The following ABCA10 variants were observed in gnomAD, a reference collection of about 807,000 sequenced individuals.
ABCA10 encodes the protein ATP binding cassette subfamily A member 10.
A neutral mutation model predicts 187.5 loss-of-function variants in ABCA10; 169 were observed. The observed-to-expected ratio is 0.90, with a 90% CI of 0.80 to 1.02. The LOEUF (loss-of-function observed/expected upper bound fraction) is 1.02, where lower values mean the gene tolerates loss of function less well. Among genes scored for constraint, ABCA10 ranks in the 50% least tolerant of loss-of-function variants. The pLI, the probability that ABCA10 is intolerant of heterozygous loss-of-function variation, is 0.00. For synonymous variants in ABCA10, 574 were observed against 601.8 expected (o/e 0.95, Z 0.68); for missense variants, 1,727 against 1,812.4 (o/e 0.95, Z 0.86).
At chr17:69,226,540 T>C (rs1255286296) in intron 2 of ABCA10, among the ~76,000 whole-genome samples, 2 of 152,020 alleles carry the variant, frequency 1.3e-5, no homozygotes, top group African/African-American at 2.4e-5. Context: ...AAGCAATGTC[T>C]TAATATTCAT....
intron 32 of ABCA10, 92 bp from the exon 33 acceptor site, chr17:69,153,638 A>G (rs2074148464): frequency 6.6e-7 from 1 of 1,509,646 alleles, no homozygotes; most frequent in African/African-American, 1.4e-5. Context: ...ATTATTCTAG[A>G]TAGTAAATTT....
Position 69,219,761 on chromosome 17 carries a change from T to C in ABCA10, c.314A>G (p.Asn105Ser), listed in dbSNP as rs777358364. ...TGTCAACTCCTCCATTACAGAATGATTTGTTGTGACCTAAATTGGGACATT... is the reference window on the plus strand; with the variant it reads ...TGTCAACTCCTCCATTACAGAATGACTTGTTGTGACCTAAATTGGGACATT... The part of the protein sequence containing the change: ...INAAIIEVTT[N>S]HSVMEELTSV... The change falls in exon 6 of 39, where the codon AAT becomes AGT. Residue 105 changes from asparagine to serine, a missense_variant. Asn to Ser is a conservative substitution (Grantham distance 46). Coordinates refer to ENST00000690296, the MANE Select transcript of ABCA10 (RefSeq NM_001377321.1). 3.8e-6 allele frequency: 6 copies of C among 1,583,084 alleles called. No homozygotes were observed. In the South Asian group the frequency reaches 6.0e-5, roughly 16 times the overall value.
chr17:69,175,467 A>G lies in ABCA10; in HGVS notation c.2816T>C (p.Leu939Ser), dbSNP rs1447612864. Residue 939 changes from leucine to serine, a missense_variant, in exon 23 of 39, where the codon TTG becomes TCG. Transcript: ENST00000690296. ...AGAAACGCAGTTTGTGATCAACAAC[A>G]AAAATATGGACCCATCTATAAAACC... ...DLGFIDGSIF[L>S]LLITNCVSPF... 1.2e-6 allele frequency: 2 copies of G among 1,612,134 alleles called. No homozygotes were observed. Among genetic ancestry groups the G allele is most frequent in the African/African-American group, 2.7e-5 (2 of 74,858 alleles).
chr17:69,234,847 T>G (rs78199467), intron 1 of ABCA10: 1 of 152,202 alleles, frequency 6.6e-6, no homozygotes, highest in Non-Finnish European at 1.5e-5. Flanking sequence ...GCTTAGTTCT[T>G]ATACGTCAAG....
At chr17:69,209,553 C>A (rs1269551761) in intron 9 of ABCA10, among the ~76,000 whole-genome samples, 1 of 152,022 alleles carries the variant, frequency 6.6e-6, no homozygotes, top group African/African-American at 2.4e-5. Flanking sequence ...AAATAAAATA[C>A]CTGAATTAGA....
intron 9 of ABCA10, among the ~76,000 whole-genome samples, chr17:69,214,252 A>C (rs8066629): frequency 0.54 from 82,586 of 151,912 alleles, 24,407 homozygotes; most frequent in Non-Finnish European, 0.67. Flanking sequence ...GCGGTGGCTC[A>C]CGCCTGTAAT....
intron 36 of ABCA10, among the ~76,000 whole-genome samples, chr17:69,151,315 T>C (rs1432127894): frequency 6.6e-6 from 1 of 152,194 alleles, no homozygotes; most frequent in Non-Finnish European, 1.5e-5. Flanking sequence ...CTCAATGTCA[T>C]ATCCTCATTT....
rs2074414878 is a variant in ABCA10, at chr17:69,185,566, CA to C, written c.2407del (p.Cys803ValfsTer25). 1.9e-6 allele frequency: 3 copies of C among 1,612,824 alleles called. No individual in the cohort carries two copies. The highest frequency in any genetic ancestry group is 2.5e-6 in the Non-Finnish European group (3 of 1,178,976). On this transcript the variant is annotated frameshift_variant, in exon 20 of 39. Transcript: ENST00000690296. ...IMYKVTRETH[C>X]WEFSPSMYFL... ...ATACATACTGGGTGAAAACTCCCAA[CA>C]ATGAGTTTCACGAGTTACTTTATAC...
intron 1 of ABCA10, among the ~76,000 whole-genome samples, chr17:69,240,560 G>A (rs552692685): frequency 9.2e-4 from 140 of 152,278 alleles, no homozygotes; most frequent in African/African-American, 3.1e-3. Context: ...AGCACTCTTC[G>A]GTTGGTACAG....
chr17:69,235,595 C>T (rs1329788289), intron 1 of ABCA10, among the ~76,000 whole-genome samples: 3 of 152,026 alleles, frequency 2.0e-5, no homozygotes, highest in Non-Finnish European at 4.4e-5. Context: ...AGCGGCCTTA[C>T]CCCACCCCTT....
Position 69,187,786 on chromosome 17 carries a change from G to C in ABCA10, c.2225C>G (p.Thr742Arg). The change falls in exon 19 of 39, where the codon ACA becomes AGA. Residue 742 changes from threonine (T) to arginine (R), a missense_variant. Transcript: ENST00000690296. ...MEQVLCSLPE[T>R]RKAVSSAALW... ...AGCTGCACTACTGACAGCCTTTCTTGTTTCAGGAAGAGAACAAAGAACCTG... is the reference window on the plus strand; with the variant it reads ...AGCTGCACTACTGACAGCCTTTCTTCTTTCAGGAAGAGAACAAAGAACCTG... The C allele has an allele frequency of 6.2e-7, 1 of 1,613,894 alleles. No homozygotes were observed. The highest frequency in any genetic ancestry group is 8.5e-7 in the Non-Finnish European group (1 of 1,179,806).
intron 9 of ABCA10, among the ~76,000 whole-genome samples, chr17:69,206,270 C>T (rs1002374259): frequency 5.3e-5 from 8 of 151,862 alleles, no homozygotes; most frequent in Admixed American, 5.2e-4. Context: ...AAAATTTGTC[C>T]CCCGACATGA....
intron 8 of ABCA10, among the ~76,000 whole-genome samples, chr17:69,215,164 A>G (rs2074694382): frequency 6.6e-6 from 1 of 152,186 alleles, no homozygotes; most frequent in African/African-American, 2.4e-5. Flanking sequence ...GGGAAGGAAA[A>G]CTTGAAGTGG....
intron 27 of ABCA10, among the ~76,000 whole-genome samples, chr17:69,158,181 A>G (rs1480194441): frequency 6.6e-6 from 1 of 152,082 alleles, no homozygotes; most frequent in African/African-American, 2.4e-5. Context: ...GTAAAATCAG[A>G]AACAATGTAA....
intron 1 of ABCA10, among the ~76,000 whole-genome samples, chr17:69,242,492 T>C (rs915330860): frequency 6.6e-5 from 10 of 151,968 alleles, no homozygotes; most frequent in African/African-American, 1.9e-4. Context: ...TGAGACAGAG[T>C]CTCGCTCTGC....
intron 3 of ABCA10, among the ~76,000 whole-genome samples, chr17:69,223,059 A>C (rs919664211): frequency 7.1e-6 from 1 of 140,346 alleles, no homozygotes; most frequent in Non-Finnish European, 1.5e-5. Flanking sequence ...GTAGGGGAGG[A>C]GAGGGGGTAG....
intron 5 of ABCA10, among the ~76,000 whole-genome samples, chr17:69,220,138 T>C (rs757411939): frequency 2.6e-5 from 4 of 152,152 alleles, no homozygotes; most frequent in African/African-American, 7.2e-5. Context: ...TGAGCAACTA[T>C]GTTCAAAGAA....
At chr17:69,221,678 GACAGGCA>G in intron 5 of ABCA10, 107 bp downstream of exon 5, 1 of 919,708 alleles carries the variant, frequency 1.1e-6, no homozygotes, top group South Asian at 2.1e-5. Context: ...CTCTGAGGAT[GACAGGCA>G]AAGTATCACC....
Position 69,156,894 on chromosome 17 carries a change from A to T in ABCA10, c.3393T>A (p.Phe1131Leu). The T allele has an allele frequency of 6.3e-7, 1 of 1,589,150 alleles. No homozygotes were observed. The highest frequency in any genetic ancestry group is 2.3e-5 in the East Asian group (1 of 43,136). Reference sequence around the variant, plus strand: ...ACTTCATTTCCAGACACCTTATGACAAAAAGGAAAATAACACTCTGAAGGT... The same window carrying T: ...ACTTCATTTCCAGACACCTTATGACTAAAAGGAAAATAACACTCTGAAGGT... ...IPYLQSVIFL[F>L]VIRCLEMKYG... The change falls in exon 28 of 39, where the codon TTT becomes TTA. Residue 1131 changes from phenylalanine to leucine, a missense_variant. By Grantham distance (22) the Phe-to-Leu change is conservative. Coordinates refer to ENST00000690296, the MANE Select transcript of ABCA10 (RefSeq NM_001377321.1).
Sources: allele counts gnomAD v4.1 joint callset (sites outside exome capture counted in the v4.1 genomes callset), GRCh38; gene constraint gnomAD v4.1.1; transcripts MANE v1.5; gene names NCBI Gene and HGNC (gene_info 2026-07-23, HGNC 2026-07-21).